Variants in JAZF1 observed in about 807,000 individuals in gnomAD.
JAZF1 encodes the protein juxtaposed with another zinc finger protein 1.
A neutral mutation model predicts 26.4 loss-of-function variants in JAZF1; 8 were observed. The ratio of observed to expected loss-of-function variants is 0.30; its 90% CI spans 0.18 to 0.55. The LOEUF is 0.55. JAZF1 is among the 20% of genes least tolerant of loss of function. JAZF1 has a pLI of 0.94. For missense variants in JAZF1, 199 were observed against 322.0 expected, an observed-to-expected ratio of 0.62 and a Z score of 2.92; for synonymous variants, 126 against 122.3, an observed-to-expected ratio of 1.03 and a Z score of -0.20.
intron 2 of JAZF1, among the ~76,000 whole-genome samples, chr7:27,987,810 T>C (rs576108698): frequency 7.2e-5 from 11 of 152,360 alleles, no homozygotes; most frequent in Admixed American, 2.0e-4. Flanking sequence ...TAGAAAGAAG[T>C]AGCCATAGGA....
At chr7:28,075,078 A>G (rs1217860370) in intron 1 of JAZF1, among the ~76,000 whole-genome samples, 1 of 152,204 alleles carries the variant, frequency 6.6e-6, no homozygotes, top group East Asian at 1.9e-4. Context: ...GCATGTCGCT[A>G]GAGCCAAGCT....
At chr7:27,909,330 G>A (rs1000201833) in intron 2 of JAZF1, among the ~76,000 whole-genome samples, 10 of 152,016 alleles carry the variant, frequency 6.6e-5, no homozygotes, top group African/African-American at 2.4e-4. Context: ...TGAACTGTGT[G>A]TAAATCTTGG....
At chr7:28,057,567 A>G (rs936708763) in intron 1 of JAZF1, among the ~76,000 whole-genome samples, 1 of 152,230 alleles carries the variant, frequency 6.6e-6, no homozygotes, top group South Asian at 2.1e-4. Flanking sequence ...TTTTTCAAAC[A>G]TACACGAAAG....
chr7:28,123,214 C>G (rs1342051494), intron 1 of JAZF1, among the ~76,000 whole-genome samples: 1 of 152,176 alleles, frequency 6.6e-6, no homozygotes, highest in Non-Finnish European at 1.5e-5. Context: ...ATGTTCCTCC[C>G]TGTACTCCGA....
chr7:28,108,743 C>A (rs1784593737), intron 1 of JAZF1, among the ~76,000 whole-genome samples: 1 of 152,172 alleles, frequency 6.6e-6, no homozygotes, highest in South Asian at 2.1e-4. Context: ...CAAAGAGATA[C>A]CTGCACTCCT....
intron 2 of JAZF1, among the ~76,000 whole-genome samples, chr7:27,932,016 T>G (rs1784695158): frequency 6.6e-6 from 1 of 152,246 alleles, no homozygotes; most frequent in African/African-American, 2.4e-5. Context: ...ATGGGCTCAG[T>G]CCTGAGCAGG....
At chr7:27,902,326 A>C (rs538938906) in intron 2 of JAZF1, among the ~76,000 whole-genome samples, 2 of 152,354 alleles carry the variant, frequency 1.3e-5, no homozygotes, top group African/African-American at 4.8e-5. Flanking sequence ...AATTTCACAA[A>C]ACAATCTTTA....
chr7:28,084,198 G>A (rs1442674116), intron 1 of JAZF1, among the ~76,000 whole-genome samples: 1 of 152,166 alleles, frequency 6.6e-6, no homozygotes, highest in South Asian at 2.1e-4. Context: ...AGAAAGAGAA[G>A]AGAAAAACCT....
At chr7:27,945,525 C>T (rs185655760) in intron 2 of JAZF1, among the ~76,000 whole-genome samples, 13 of 152,312 alleles carry the variant, frequency 8.5e-5, no homozygotes, top group African/African-American at 3.1e-4. Flanking sequence ...ACTTCCCACA[C>T]CCAGGTCAAG....
intron 1 of JAZF1, among the ~76,000 whole-genome samples, chr7:28,022,923 T>C (rs959589646): frequency 1.3e-5 from 2 of 152,140 alleles, no homozygotes; most frequent in African/African-American, 4.8e-5. Context: ...TATTTCACTT[T>C]GTAAAAAATT....
intron 1 of JAZF1, among the ~76,000 whole-genome samples, chr7:28,063,287 G>T (rs1277245660): frequency 1.3e-5 from 2 of 152,080 alleles, no homozygotes; most frequent in African/African-American, 2.4e-5. Context: ...TGAAACTAAG[G>T]TATTAAAAAG....
chr7:28,129,732 T>A (rs1208876218), intron 1 of JAZF1, among the ~76,000 whole-genome samples: 1 of 152,132 alleles, frequency 6.6e-6, no homozygotes, highest in African/African-American at 2.4e-5. Flanking sequence ...TTATAAAAAA[T>A]TTAAAAAAGA....
At chr7:28,129,314 A>G (rs547881838) in intron 1 of JAZF1, among the ~76,000 whole-genome samples, 3 of 152,282 alleles carry the variant, frequency 2.0e-5, no homozygotes, top group African/African-American at 7.2e-5. Context: ...ACATTATAAG[A>G]CAGCTACACA....
intron 1 of JAZF1, among the ~76,000 whole-genome samples, chr7:28,119,551 C>T (rs1784804140): frequency 6.6e-6 from 1 of 152,134 alleles, no homozygotes; most frequent in Non-Finnish European, 1.5e-5. Flanking sequence ...TTCAGACCCT[C>T]CCCATGACCC....
intron 2 of JAZF1, among the ~76,000 whole-genome samples, chr7:27,938,080 G>A (rs1347718478): frequency 6.6e-6 from 1 of 152,050 alleles, no homozygotes; most frequent in Non-Finnish European, 1.5e-5. Flanking sequence ...GAATATTTTG[G>A]TTACTTCCAT....
At chr7:28,101,284 A>T (rs934227403) in intron 1 of JAZF1, among the ~76,000 whole-genome samples, 1 of 152,208 alleles carries the variant, frequency 6.6e-6, no homozygotes, top group Non-Finnish European at 1.5e-5. Context: ...CTCTTGCTGT[A>T]TACCACATAT....
chr7:28,140,390 A>C (rs550759434), intron 1 of JAZF1, among the ~76,000 whole-genome samples: 1 of 152,260 alleles, frequency 6.6e-6, no homozygotes, highest in South Asian at 2.1e-4. Context: ...GCCAAAAGTC[A>C]CAAATCTAAG....
Position 27,992,138 on chromosome 7 carries a change from A to T in JAZF1, c.116-157T>A, listed in dbSNP as rs1361023145. ...GTCGGCGAAGCACAATCATTTGTTC[A>T]TTCATTCATAAATAACAAGATATTG... On this transcript the variant is annotated intron_variant, in intron 1 of 4. Coordinates refer to ENST00000283928, the MANE Select transcript of JAZF1 (RefSeq NM_175061.4). The T allele has an allele frequency of 1.2e-5, 8 of 692,392 alleles. No individual in the cohort carries two copies. In the Admixed American group the frequency reaches 1.4e-4, roughly 12 times the overall value. 42.9% of individuals were successfully genotyped at this position (692,392 alleles called of 1,614,324 possible).
intron 3 of JAZF1, among the ~76,000 whole-genome samples, chr7:27,882,863 G>A (rs1329531553): frequency 6.6e-6 from 1 of 152,100 alleles, no homozygotes; most frequent in East Asian, 1.9e-4. Flanking sequence ...AGGTGTCTTT[G>A]GAAATATATG....
Sources: allele counts gnomAD v4.1 joint callset (sites outside exome capture counted in the v4.1 genomes callset), GRCh38; gene constraint gnomAD v4.1.1; transcripts MANE v1.5; gene names NCBI Gene and HGNC (gene_info 2026-07-23, HGNC 2026-07-21).